The following UPP2 variants were observed in gnomAD, a reference collection of about 807,000 sequenced individuals.
UPP2 encodes UPase 2.
A neutral mutation model predicts 26.7 loss-of-function variants in UPP2; 23 were observed. The ratio of observed to expected loss-of-function variants is 0.86; its 90% CI spans 0.62 to 1.22. The LOEUF is 1.22. Ranked by LOEUF, UPP2 falls within the 50% of genes most tolerant of loss-of-function variation. The probability of loss-of-function intolerance (pLI) is 0.00; values close to 1 mark genes in which losing one functional copy is unlikely to be tolerated. For missense variants in UPP2, 387 were observed against 396.7 expected (o/e 0.98, Z 0.21); for synonymous variants, 127 against 141.3 (o/e 0.90, Z 0.72).
At chr2:158,078,351 GTT>G (rs1283360359) in intron 3 of UPP2, among the ~76,000 whole-genome samples, 1 of 152,096 alleles carries the variant, frequency 6.6e-6, no homozygotes, top group Non-Finnish European at 1.5e-5. Flanking sequence ...TTGCAGCTGT[GTT>G]CACAACAGCC....
chr2:158,116,644 G>A lies in UPP2; in HGVS notation c.340-1180G>A, dbSNP rs76178340. On this transcript the variant is annotated intron_variant, in intron 3 of 6. Coordinates refer to ENST00000005756, the MANE Select transcript of UPP2 (RefSeq NM_173355.4). ...AGTCCATTTGTCATTTTATCAATGCGTAACATAATAAGTGGCAATCATTAA... is the reference window on the plus strand; with the variant it reads ...AGTCCATTTGTCATTTTATCAATGCATAACATAATAAGTGGCAATCATTAA... Among the ~76,000 whole-genome samples, 946 of 152,290 alleles carry A rather than the reference G, an allele frequency of 6.2e-3. 5 individuals carry two copies. The highest frequency in any genetic ancestry group is 0.027 in the Middle Eastern group (8 of 294).
intron 3 of UPP2, among the ~76,000 whole-genome samples, chr2:158,039,338 C>T (rs746779513): frequency 6.6e-6 from 1 of 152,192 alleles, no homozygotes; most frequent in Non-Finnish European, 1.5e-5. Flanking sequence ...TTCTTCACCT[C>T]AGAATGACTT....
intron 3 of UPP2, among the ~76,000 whole-genome samples, chr2:158,083,327 C>T (rs949896855): frequency 1.3e-5 from 2 of 152,172 alleles, no homozygotes; most frequent in South Asian, 2.1e-4. Flanking sequence ...CAATGATAGA[C>T]TGGATAAAGA....
intron 2 of UPP2, among the ~76,000 whole-genome samples, chr2:157,996,955 A>G (rs1683332745): frequency 6.6e-6 from 1 of 152,234 alleles, no homozygotes; most frequent in Admixed American, 6.5e-5. Flanking sequence ...ATCTCAAGTA[A>G]TATTGTTTAA....
chr2:158,019,118 A>C (rs1049135675), intron 3 of UPP2, among the ~76,000 whole-genome samples: 1 of 152,236 alleles, frequency 6.6e-6, no homozygotes, highest in Non-Finnish European at 1.5e-5. Flanking sequence ...AATTTGTGTG[A>C]AAACATCAAG....
At chr2:158,125,002 A>G (rs1683662495) in intron 6 of UPP2, among the ~76,000 whole-genome samples, 1 of 152,180 alleles carries the variant, frequency 6.6e-6, no homozygotes, top group Admixed American at 6.5e-5. Flanking sequence ...GATAACAAAC[A>G]ATGAGTCTAG....
chr2:158,001,571 C>T (rs1683408245), intron 2 of UPP2, among the ~76,000 whole-genome samples: 1 of 152,100 alleles, frequency 6.6e-6, no homozygotes, highest in African/African-American at 2.4e-5. Context: ...GGTCAGCCTC[C>T]TACTTGGGGC....
intron 3 of UPP2, among the ~76,000 whole-genome samples, chr2:158,084,232 G>A (rs1256108292): frequency 6.6e-6 from 1 of 151,906 alleles, no homozygotes; most frequent in Non-Finnish European, 1.5e-5. Flanking sequence ...TTGTGTTGTG[G>A]TTTTGATTTC....
At chr2:158,049,418 A>G (rs1238772162) in intron 3 of UPP2, among the ~76,000 whole-genome samples, 1 of 152,164 alleles carries the variant, frequency 6.6e-6, no homozygotes, top group Non-Finnish European at 1.5e-5. Context: ...AGTGATTTTC[A>G]GCTGCAGTAC....
chr2:158,123,564 C>T (rs1027203400), intron 5 of UPP2, among the ~76,000 whole-genome samples, 185 bp from the exon 6 acceptor site: 7 of 152,202 alleles, frequency 4.6e-5, no homozygotes, highest in Admixed American at 4.6e-4. Flanking sequence ...GACTCCTCAG[C>T]TAGGGACAGC....
rs575541385 is a variant in UPP2, at chr2:158,123,882, CTG to C, written c.801_802del (p.Cys267TrpfsTer18). 355 of 1,613,504 alleles carry C rather than the reference CTG, an allele frequency of 2.2e-4. 1 individual carries two copies. Among genetic ancestry groups the C allele is most frequent in the South Asian group, 5.9e-4 (54 of 91,002 alleles). On this transcript the variant is annotated frameshift_variant, in exon 6 of 7. Coordinates refer to ENST00000005756, the MANE Select transcript of UPP2 (RefSeq NM_173355.4). LOFTEE classifies it low-confidence loss of function (END_TRUNC). The part of the protein sequence containing the change: ...STVFAAMCGL[C>X]GLKAAVVCVT... ...CAGTGTTTGCAGCTATGTGTGGACTCTGTGGTCTAAAAGGTAAGCTTTTCGTG... is the reference window on the plus strand; with the variant it reads ...CAGTGTTTGCAGCTATGTGTGGACTCTGGTCTAAAAGGTAAGCTTTTCGTG...
chr2:158,073,191 C>T (rs537653680), intron 3 of UPP2, among the ~76,000 whole-genome samples: 134 of 151,854 alleles, frequency 8.8e-4, no homozygotes, highest in African/African-American at 3.1e-3. Context: ...AACTGACATG[C>T]TAAAACAATG....
chr2:158,039,880 A>G (rs1164792565), intron 3 of UPP2, among the ~76,000 whole-genome samples: 1 of 152,238 alleles, frequency 6.6e-6, no homozygotes, highest in African/African-American at 2.4e-5. Context: ...TGAAGGCCCT[A>G]GACTGAGGCC....
intron 3 of UPP2, 46 bp from the exon 4 acceptor site, chr2:158,117,778 G>C (rs1308731059): frequency 7.2e-7 from 1 of 1,386,648 alleles, no homozygotes; most frequent in Non-Finnish European, 1.0e-6. Context: ...TCCTGTTCAT[G>C]TATCACTTTG....
At chr2:158,069,486 C>T (rs1011837741) in intron 3 of UPP2, among the ~76,000 whole-genome samples, 15 of 152,222 alleles carry the variant, frequency 9.9e-5, no homozygotes, top group African/African-American at 3.6e-4. Flanking sequence ...GTGCCCAGCT[C>T]CTACAGTAGG....
chr2:158,073,536 C>T (rs530111809), intron 3 of UPP2, among the ~76,000 whole-genome samples: 3 of 152,092 alleles, frequency 2.0e-5, no homozygotes, highest in Non-Finnish European at 2.9e-5. Flanking sequence ...TACCTCAAGG[C>T]ATTTAATAAT....
chr2:158,105,872 G>A (rs2105214433), intron 1 of UPP2, among the ~76,000 whole-genome samples: 1 of 152,202 alleles, frequency 6.6e-6, no homozygotes, highest in East Asian at 1.9e-4. Context: ...GCAGTTATGG[G>A]ACAAATGAGT....
Position 158,038,863 on chromosome 2 carries a change from CA to C in UPP2, c.147+22980del, listed in dbSNP as rs563909851. Among the ~76,000 whole-genome samples the C allele has an allele frequency of 1.4e-4, 22 of 152,210 alleles. No individual in the cohort carries two copies. In the South Asian group the frequency reaches 2.5e-3, roughly 17 times the overall value. On this transcript the variant is annotated intron_variant, in intron 3 of 9. Coordinates refer to the UPP2 transcript ENST00000605860. ...ATTTTATCCCCAGAGACCAGGTCAC[CA>C]AAGCTAGTGTTATGCAGAGAGTAGA...
intron 6 of UPP2, among the ~76,000 whole-genome samples, chr2:158,126,226 A>T (rs1683691296): frequency 1.3e-5 from 2 of 152,242 alleles, no homozygotes; most frequent in Admixed American, 1.3e-4. Context: ...TCCCTCCTGG[A>T]TGCTTTCTTC....
Sources: allele counts gnomAD v4.1 joint callset (sites outside exome capture counted in the v4.1 genomes callset), GRCh38; gene constraint gnomAD v4.1.1; transcripts MANE v1.5; gene names NCBI Gene and HGNC (gene_info 2026-07-23, HGNC 2026-07-21).